The following TAPT1 variants were observed in gnomAD, a reference collection of about 807,000 sequenced individuals.
TAPT1 encodes transmembrane anterior posterior transformation 1.
In TAPT1, 28 loss-of-function variants were observed where a neutral mutation model predicts 65.6. The observed-to-expected ratio is 0.43, with a 90% CI of 0.32 to 0.59. The LOEUF (loss-of-function observed/expected upper bound fraction) is 0.59, where lower values mean the gene tolerates loss of function less well. Ranked by LOEUF, TAPT1 falls within the 20% of genes least tolerant of loss-of-function variation. The pLI is 0.09. For missense variants in TAPT1, 563 were observed against 679.9 expected (o/e 0.83, Z 1.91); for synonymous variants, 278 against 245.2 (o/e 1.13, Z -1.25).
At chr4:16,227,158 C>CT, upstream of TAPT1, 1 of 455,994 alleles carries the variant, frequency 2.2e-6, no homozygotes, top group South Asian at 1.5e-5. Context: ...CAAGAAGGAG[C>CT]TTGGGCAGCT....
chr4:16,186,461 G>T, intron 7 of TAPT1, 74 bp downstream of exon 7: 1 of 929,410 alleles, frequency 1.1e-6, no homozygotes, highest in South Asian at 1.6e-5. Context: ...CAGAGAAAAT[G>T]TGCCATTAGG....
chr4:16,192,409 T>C (rs1749429286), intron 3 of TAPT1, among the ~76,000 whole-genome samples: 1 of 152,252 alleles, frequency 6.6e-6, no homozygotes, highest in South Asian at 2.1e-4. Context: ...GAACACTCCC[T>C]ATCTTTCTTG....
upstream of TAPT1, chr4:16,227,343 C>T (rs1184224540): frequency 2.2e-6 from 1 of 456,230 alleles, no homozygotes. Context: ...CCTCCCCTTT[C>T]CAGCTCTGGC....
chr4:16,220,503 C>T (rs902101264), intron 1 of TAPT1, among the ~76,000 whole-genome samples: 4 of 152,118 alleles, frequency 2.6e-5, no homozygotes, highest in African/African-American at 9.7e-5. Context: ...TAAAAATAGA[C>T]ACTTTGGGAG....
At chr4:16,183,541 A>G (rs1386578672) in intron 7 of TAPT1, among the ~76,000 whole-genome samples, 1 of 152,208 alleles carries the variant, frequency 6.6e-6, no homozygotes, top group Non-Finnish European at 1.5e-5. Context: ...ATAAGGTTAA[A>G]AACATTCACA....
At chr4:16,223,553 G>A (rs1751378827) in intron 1 of TAPT1, among the ~76,000 whole-genome samples, 1 of 152,200 alleles carries the variant, frequency 6.6e-6, no homozygotes, top group Admixed American at 6.5e-5. Context: ...TTCTAACTAT[G>A]TTAAAAGGTG....
intron 8 of TAPT1, chr4:16,178,810 C>A (rs940744656): frequency 1.1e-4 from 16 of 152,112 alleles, no homozygotes; most frequent in African/African-American, 3.6e-4. Context: ...TTTAATTTAT[C>A]CCTATTTAAA....
chr4:16,170,573 T>C, intron 12 of TAPT1, 80 bp downstream of exon 12: 5 of 989,824 alleles, frequency 5.1e-6, no homozygotes, highest in Admixed American at 2.0e-5. Flanking sequence ...AGTAGTATGA[T>C]TGGGATGCTA....
intron 12 of TAPT1, 195 bp from the exon 13 acceptor site, chr4:16,166,988 T>TCA: frequency 8.7e-6 from 3 of 345,788 alleles, no homozygotes; most frequent in Non-Finnish European, 1.5e-5. Flanking sequence ...ATTCCTTAGT[T>TCA]CTCTTTTTTT....
intron 11 of TAPT1, among the ~76,000 whole-genome samples, chr4:16,173,625 T>A (rs1232085928): frequency 1.3e-5 from 2 of 152,210 alleles, no homozygotes; most frequent in Non-Finnish European, 2.9e-5. Context: ...TTAAAAAGTA[T>A]TAATTACCAC....
In TAPT1 at chr4:16,191,273, G is replaced by A. The variant is rs576845700; in HGVS notation, c.612+88C>T. 111 of 1,341,556 alleles carry A rather than the reference G, an allele frequency of 8.3e-5. No individual in the cohort carries two copies. In the African/African-American group the frequency reaches 1.4e-3, roughly 17 times the overall value. 83.1% of individuals were successfully genotyped at this position (1,341,556 alleles called of 1,614,324 possible). On this transcript the variant is annotated intron_variant, in intron 4 of 13. Transcript: ENST00000405303. ...AAGCACCATAACTAGAGTCGGTAGAGCATTCTTGACTCTCAGGTACCTTCA... is the reference window on the plus strand; with the variant it reads ...AAGCACCATAACTAGAGTCGGTAGAACATTCTTGACTCTCAGGTACCTTCA...
At chr4:16,200,901 C>T (rs575510030) in intron 3 of TAPT1, among the ~76,000 whole-genome samples, 4 of 152,256 alleles carry the variant, frequency 2.6e-5, no homozygotes, top group African/African-American at 9.6e-5. Flanking sequence ...CTTCTTAAAA[C>T]TTCTCCCAAA....
intron 5 of TAPT1, among the ~76,000 whole-genome samples, chr4:16,187,965 A>G (rs1749121229): frequency 6.6e-6 from 1 of 152,186 alleles, no homozygotes; most frequent in Non-Finnish European, 1.5e-5. Context: ...TTTATTATAA[A>G]AGTCTTCCTT....
chr4:16,198,815 G>A (rs1400172363), intron 3 of TAPT1, among the ~76,000 whole-genome samples: 2 of 152,084 alleles, frequency 1.3e-5, no homozygotes, highest in Non-Finnish European at 2.9e-5. Context: ...AACCTAAAAA[G>A]TATTTTTATA....
intron 12 of TAPT1, among the ~76,000 whole-genome samples, chr4:16,168,953 A>G (rs1678852517): frequency 6.6e-6 from 1 of 152,126 alleles, no homozygotes; most frequent in African/African-American, 2.4e-5. Flanking sequence ...GGTGGGGGAA[A>G]GTTCAGCATT....
intron 3 of TAPT1, among the ~76,000 whole-genome samples, chr4:16,201,218 CTG>C (rs1232121842): frequency 6.6e-6 from 1 of 152,022 alleles, no homozygotes; most frequent in Non-Finnish European, 1.5e-5. Flanking sequence ...TTTAAAAAGA[CTG>C]TATGTGTTAC....
chr4:16,168,320 G>A (rs1747773489), intron 12 of TAPT1, among the ~76,000 whole-genome samples: 1 of 152,120 alleles, frequency 6.6e-6, no homozygotes, highest in African/African-American at 2.4e-5. Flanking sequence ...ATGTTGCCCA[G>A]GCTGGTCTCA....
intron 10 of TAPT1, 182 bp from the exon 11 acceptor site, chr4:16,174,454 ATAACTT>A: frequency 1.5e-6 from 1 of 682,592 alleles, no homozygotes. Flanking sequence ...ACAAAGTTGA[ATAACTT>A]AAAATGCTGC....
At chr4:16,173,301 G>C (rs1376701650) in intron 11 of TAPT1, among the ~76,000 whole-genome samples, 4 of 152,046 alleles carry the variant, frequency 2.6e-5, no homozygotes, top group African/African-American at 9.7e-5. Context: ...GCCTAACCTG[G>C]CTAGAAACTA....
Sources: gnomAD v4.1 joint callset for allele counts (sites outside exome capture counted in the v4.1 genomes callset) on GRCh38, gnomAD v4.1.1 for gene constraint, MANE v1.5 for transcripts, NCBI Gene and HGNC (gene_info 2026-07-23, HGNC 2026-07-21) for gene names.